Variants in NSL1 observed in about 807,000 individuals in gnomAD.
The protein encoded by NSL1 is kinetochore-associated protein NSL1 homolog.
In NSL1, 11 loss-of-function variants were observed where a neutral mutation model predicts 25.4. The observed-to-expected ratio is 0.43, with a 90% confidence interval of 0.27 to 0.72. NSL1 has a LOEUF of 0.72. Among genes scored for constraint, NSL1 ranks in the 30% least tolerant of loss-of-function variants. The pLI, the probability that NSL1 is intolerant of heterozygous loss-of-function variation, is 0.19. For synonymous variants in NSL1, 118 were observed against 120.6 expected, an observed-to-expected ratio of 0.98 and a Z score of 0.14; for missense variants, 330 against 342.7, an observed-to-expected ratio of 0.96 and a Z score of 0.29.
intron 4 of NSL1, among the ~76,000 whole-genome samples, chr1:212,747,121 G>A (rs1247668350): frequency 1.5e-5 from 2 of 135,228 alleles, no homozygotes; most frequent in Admixed American, 8.3e-5. Context: ...CAGCCTGGGC[G>A]ACAGAGCAAA....
intron 4 of NSL1, among the ~76,000 whole-genome samples, chr1:212,768,181 A>T (rs1659911032): frequency 6.6e-6 from 1 of 152,054 alleles, no homozygotes; most frequent in African/African-American, 2.4e-5. Context: ...TTAGCCAGGC[A>T]TGGTGGCACA....
Position 212,727,705 on chromosome 1 carries a change from A to G in NSL1, c.*10703T>C. 1.0e-6 allele frequency: 1 copy of G among 984,900 alleles called. No homozygotes were observed. The highest frequency in any genetic ancestry group is 1.2e-6 in the Non-Finnish European group (1 of 829,430). 61.0% of individuals were successfully genotyped at this position (984,900 alleles called of 1,614,324 possible). Reference sequence around the variant, plus strand: ...AGCTTCCCACGATGAAAGAATGACTAGCTATGATGATTTATATTTCCCAAG... The same window carrying G: ...AGCTTCCCACGATGAAAGAATGACTGGCTATGATGATTTATATTTCCCAAG... On this transcript the variant is annotated 3_prime_UTR_variant, in exon 6 of 6. Coordinates refer to ENST00000366977, the MANE Select transcript of NSL1 (RefSeq NM_015471.4).
Position 212,729,622 on chromosome 1 carries a change from C to T in NSL1, c.*8786G>A, listed in dbSNP as rs867118963. The T allele has an allele frequency of 8.1e-5, 80 of 985,288 alleles. No individual in the cohort carries two copies. The highest frequency in any genetic ancestry group is 5.2e-4 in the Middle Eastern group (1 of 1,936). 61.0% of individuals were successfully genotyped at this position (985,288 alleles called of 1,614,324 possible). ...CAGAGGCAGGCACACAGGGCATAGACAGAATATGACAAGTCAGAGAGAATT... is the reference window on the plus strand; with the variant it reads ...CAGAGGCAGGCACACAGGGCATAGATAGAATATGACAAGTCAGAGAGAATT... On this transcript the variant is annotated 3_prime_UTR_variant, in exon 6 of 6. Transcript: ENST00000366977.
In NSL1 at chr1:212,734,895, AAC is replaced by A. The variant is rs1179606010; in HGVS notation, c.*3511_*3512del. ...ACTGGAATATGACCTTCCTGAAGGC[AAC>A]ACTTGTCCTGAGTGTTTTCATTTCC... On this transcript the variant is annotated 3_prime_UTR_variant, in exon 6 of 6. Coordinates refer to ENST00000366977, the MANE Select transcript of NSL1 (RefSeq NM_015471.4). 6.6e-6 allele frequency among the ~76,000 whole-genome samples: 1 copy of A among 152,218 alleles called. No individual in the cohort carries two copies.
chr1:212,728,461 T>G lies in NSL1; in HGVS notation c.*9947A>C, dbSNP rs1164004788. ...TCTCTTCCTTTTCTTTGGGTAATCT[T>G]TTATCTTGAACTACCAAGAGTAGAT... On this transcript the variant is annotated 3_prime_UTR_variant, in exon 6 of 6. Transcript: ENST00000366977. 2 of 985,344 alleles carry G rather than the reference T, an allele frequency of 2.0e-6. No individual in the cohort carries two copies. Among genetic ancestry groups the G allele is most frequent in the Admixed American group, 1.2e-4 (2 of 16,266 alleles). 61.0% of individuals were successfully genotyped at this position (985,344 alleles called of 1,614,324 possible). A position where few individuals can be genotyped will look rare whatever the true frequency, so the allele number is the denominator to read the frequency against.
chr1:212,774,913 G>A lies in NSL1; in HGVS notation c.499+7459C>T, dbSNP rs190715631. ...CAGCATCATTCGTAGTAGCCAAAAT[G>A]AGTAAAATGTCATTGAGTAAAATGT... On this transcript the variant is annotated intron_variant, in intron 4 of 5. Transcript: ENST00000366977. Among the ~76,000 whole-genome samples, 5 of 152,318 alleles carry A rather than the reference G, an allele frequency of 3.3e-5. No individual in the cohort carries two copies. The East Asian group carries it at 7.7e-4, about 23-fold the overall frequency.
intron 1 of NSL1, 32 bp downstream of exon 1, chr1:212,791,498 A>C (rs1471996582): frequency 6.4e-7 from 1 of 1,565,064 alleles, no homozygotes; most frequent in Non-Finnish European, 8.8e-7. Context: ...TAAGAGGATG[A>C]TGAGTAAAGA....
intron 4 of NSL1, among the ~76,000 whole-genome samples, chr1:212,744,753 C>A (rs1658677685): frequency 6.6e-6 from 1 of 152,084 alleles, no homozygotes; most frequent in African/African-American, 2.4e-5. Flanking sequence ...GAGTGTTCAA[C>A]AGCAGATTTG....
chr1:212,738,330 C>T lies in NSL1; in HGVS notation c.*78G>A. 1 of 1,524,990 alleles carries T rather than the reference C, an allele frequency of 6.6e-7. No homozygotes were observed. The highest frequency in any genetic ancestry group is 2.3e-4 in the Middle Eastern group (1 of 4,300). 94.5% of individuals were successfully genotyped at this position (1,524,990 alleles called of 1,614,324 possible). A position where few individuals can be genotyped will look rare whatever the true frequency, so the allele number is the denominator to read the frequency against. ...AGTTATTTCTTATTTCAAATGAAGT[C>T]TTATCTAGGTATTAATTAGGCTGTA... On this transcript the variant is annotated 3_prime_UTR_variant, in exon 6 of 6. Transcript: ENST00000366977.
chr1:212,787,480 G>C, intron 2 of NSL1, 79 bp downstream of exon 2: 1 of 975,768 alleles, frequency 1.0e-6, no homozygotes, highest in Non-Finnish European at 1.6e-6. Flanking sequence ...TAAATATGGA[G>C]ATTAAAAAAC....
chr1:212,784,797 A>G (rs1016721093), intron 2 of NSL1, among the ~76,000 whole-genome samples: 4 of 152,244 alleles, frequency 2.6e-5, no homozygotes, highest in Non-Finnish European at 4.4e-5. Context: ...AGGCAACCTG[A>G]TAAGTGCAAT....
chr1:212,745,037 G>A (rs1200360317), intron 4 of NSL1, among the ~76,000 whole-genome samples: 2 of 152,072 alleles, frequency 1.3e-5, no homozygotes, highest in African/African-American at 2.4e-5. Context: ...TCTGGAGGCT[G>A]AGGCAGGAGA....
At chr1:212,766,309 C>T (rs1186297291) in intron 4 of NSL1, 2 of 593,988 alleles carry the variant, frequency 3.4e-6, no homozygotes, top group Non-Finnish European at 6.0e-6. Flanking sequence ...TTCACCACTT[C>T]TATTCAACAT....
chr1:212,754,769 C>CAA (rs59259608), intron 4 of NSL1, among the ~76,000 whole-genome samples: 6 of 71,324 alleles, frequency 8.4e-5, no homozygotes, highest in Admixed American at 2.8e-4. Context: ...AATTCTGTCT[C>CAA]AAAAAAAAAA....
intron 4 of NSL1, among the ~76,000 whole-genome samples, chr1:212,741,745 G>A (rs1309785067): frequency 1.3e-5 from 2 of 152,188 alleles, no homozygotes; most frequent in African/African-American, 4.8e-5. Flanking sequence ...AGTGTGAGAA[G>A]AGACTAATAC....
intron 4 of NSL1, among the ~76,000 whole-genome samples, chr1:212,756,823 A>AAAAAG (rs942626711): frequency 6.6e-6 from 1 of 152,218 alleles, no homozygotes; most frequent in Non-Finnish European, 1.5e-5. Flanking sequence ...CCGTCTCAAA[A>AAAAAG]AAAAGAAAAG....
intron 4 of NSL1, among the ~76,000 whole-genome samples, chr1:212,761,971 TAAA>T (rs34216305): frequency 0.083 from 8,745 of 105,590 alleles, 280 homozygotes; most frequent in African/African-American, 0.11. Flanking sequence ...GCTGATGAGC[TAAA>T]AAAAAAAAAA....
intron 4 of NSL1, among the ~76,000 whole-genome samples, chr1:212,777,452 G>A (rs1660426487): frequency 6.6e-6 from 1 of 152,100 alleles, no homozygotes; most frequent in Non-Finnish European, 1.5e-5. Context: ...GGAATGGATA[G>A]TGGAATATTC....
In NSL1 at chr1:212,739,549, G is replaced by C. The variant is rs773362207; in HGVS notation, c.552C>G (p.Ile184Met). ...TAGCTTTTACCTTCATGGCTTCACT[G>C]ATCTCCTTTGCTACTGTTTCCCCTC... The part of the protein sequence containing the change: ...KCRGETVAKE[I>M]SEAMKSLPAL... The change falls in exon 5 of 6, where the codon ATC (isoleucine) becomes ATG (methionine). Residue 184 changes from isoleucine to methionine, a missense_variant. Coordinates refer to ENST00000366977, the MANE Select transcript of NSL1 (RefSeq NM_015471.4). The C allele has an allele frequency of 1.0e-4, 168 of 1,613,334 alleles. No individual in the cohort carries two copies. The highest frequency in any genetic ancestry group is 1.6e-4 in the Middle Eastern group (1 of 6,076).
Sources: gnomAD v4.1 joint callset for allele counts (sites outside exome capture counted in the v4.1 genomes callset) on GRCh38, gnomAD v4.1.1 for gene constraint, MANE v1.5 for transcripts, NCBI Gene and HGNC (gene_info 2026-07-23, HGNC 2026-07-21) for gene names.